The following RFX3 variants were observed in gnomAD, a reference collection of about 807,000 sequenced individuals.
The protein encoded by RFX3 is regulatory factor X3.
Under a neutral mutation model 98.6 loss-of-function variants are expected in RFX3, and 14 were observed. The ratio of observed to expected loss-of-function variants is 0.14; its 90% CI spans 0.09 to 0.22. The LOEUF is 0.22. Ranked by LOEUF, RFX3 falls within the 10% of genes least tolerant of loss-of-function variation. The pLI is 1.00. For synonymous variants in RFX3, 383 were observed against 328.4 expected, an observed-to-expected ratio of 1.17 and a Z score of -1.80; for missense variants, 639 against 926.9, an observed-to-expected ratio of 0.69 and a Z score of 4.03.
rs1198020216 is a variant in RFX3 at position 3,502,678 on chromosome 9, A to G, written c.-9+23069T>C. On this transcript the variant is annotated intron_variant, in intron 1 of 16. Coordinates refer to ENST00000617270, the MANE Select transcript of RFX3 (RefSeq NM_001282116.2). ...AAAATATTAAATTTAACACTTGTTTAGAAACTTTCATTATTTTCACGATTT... is the reference window on the plus strand; with the variant it reads ...AAAATATTAAATTTAACACTTGTTTGGAAACTTTCATTATTTTCACGATTT... 4.6e-5 allele frequency among the ~76,000 whole-genome samples: 7 copies of G among 152,196 alleles called. No individual in the cohort carries two copies. The East Asian group carries it at 1.3e-3, about 29-fold the overall frequency.
intron 15 of RFX3, among the ~76,000 whole-genome samples, chr9:3,229,590 T>A (rs770099016): frequency 6.6e-6 from 1 of 152,180 alleles, no homozygotes; most frequent in Non-Finnish European, 1.5e-5. Context: ...AGAAAACACA[T>A]TTTGAGAATC....
At chr9:3,380,845 A>G (rs1387641145) in intron 2 of RFX3, among the ~76,000 whole-genome samples, 2 of 152,178 alleles carry the variant, frequency 1.3e-5, no homozygotes, top group African/African-American at 4.8e-5. Flanking sequence ...CATTCTTAGT[A>G]GTGCTATTTT....
intron 1 of RFX3, among the ~76,000 whole-genome samples, chr9:3,446,152 G>A (rs1451373479): frequency 6.6e-6 from 1 of 152,038 alleles, no homozygotes; most frequent in African/African-American, 2.4e-5. Context: ...TGATGGGCAG[G>A]TGAATGAGTA....
chr9:3,342,640 G>C (rs891804193), intron 3 of RFX3, among the ~76,000 whole-genome samples: 1 of 151,902 alleles, frequency 6.6e-6, no homozygotes, highest in Non-Finnish European at 1.5e-5. Context: ...AGTCAAAAAA[G>C]AGTGGGGGAA....
At chr9:3,443,929 G>C (rs1019352462) in intron 1 of RFX3, among the ~76,000 whole-genome samples, 4 of 152,182 alleles carry the variant, frequency 2.6e-5, no homozygotes, top group Admixed American at 6.5e-5. Flanking sequence ...TCAACTGTTG[G>C]TAAGGATGTA....
intron 9 of RFX3, among the ~76,000 whole-genome samples, chr9:3,272,595 A>G (rs1263552819): frequency 6.6e-6 from 1 of 152,208 alleles, no homozygotes; most frequent in African/African-American, 2.4e-5. Context: ...CCCAGCAAAG[A>G]TCAAAATCTT....
intron 3 of RFX3, among the ~76,000 whole-genome samples, chr9:3,346,129 A>C (rs1219762111): frequency 1.3e-5 from 2 of 152,204 alleles, no homozygotes; most frequent in African/African-American, 4.8e-5. Context: ...ATAAATTTAC[A>C]AATTTATATT....
At chr9:3,257,728 T>C (rs1045943403) in intron 13 of RFX3, among the ~76,000 whole-genome samples, 1 of 152,216 alleles carries the variant, frequency 6.6e-6, no homozygotes, top group Admixed American at 6.5e-5. Flanking sequence ...TAGAAGCATA[T>C]GCTGCTGTGA....
intron 1 of RFX3, among the ~76,000 whole-genome samples, chr9:3,518,433 C>T (rs1294533575): frequency 1.3e-5 from 2 of 152,112 alleles, no homozygotes; most frequent in African/African-American, 4.8e-5. Context: ...TAACTAAACA[C>T]TTAACGGGAG....
chr9:3,512,735 T>G (rs1817770665), intron 1 of RFX3, among the ~76,000 whole-genome samples: 1 of 152,110 alleles, frequency 6.6e-6, no homozygotes, highest in Non-Finnish European at 1.5e-5. Flanking sequence ...ATCTTTTTCC[T>G]TGGGTCCTCC....
chr9:3,311,054 T>A (rs1038665982), intron 4 of RFX3, among the ~76,000 whole-genome samples: 1 of 152,250 alleles, frequency 6.6e-6, no homozygotes, highest in African/African-American at 2.4e-5. Flanking sequence ...AACAGTTACC[T>A]AATGTATAAC....
At chr9:3,379,250 A>G (rs1024093648) in intron 2 of RFX3, among the ~76,000 whole-genome samples, 6 of 152,224 alleles carry the variant, frequency 3.9e-5, no homozygotes, top group Non-Finnish European at 8.8e-5. Flanking sequence ...GGAAAGGTAC[A>G]TGGGCTAGGA....
chr9:3,373,155 G>C (rs961232966), intron 2 of RFX3, among the ~76,000 whole-genome samples: 5 of 152,042 alleles, frequency 3.3e-5, no homozygotes, highest in Non-Finnish European at 7.4e-5. Context: ...ATATTCATGA[G>C]GCTTTATAGA....
At chr9:3,383,350 T>G (rs549158897) in intron 2 of RFX3, among the ~76,000 whole-genome samples, 2 of 152,300 alleles carry the variant, frequency 1.3e-5, no homozygotes, top group South Asian at 4.1e-4. Context: ...GCATAGTGAT[T>G]GGTAGAGCTA....
intron 5 of RFX3, among the ~76,000 whole-genome samples, chr9:3,296,476 T>C (rs1358485713): frequency 6.6e-6 from 1 of 152,134 alleles, no homozygotes; most frequent in Non-Finnish European, 1.5e-5. Flanking sequence ...TTTATATTCT[T>C]AAACTGAAGA....
intron 12 of RFX3, among the ~76,000 whole-genome samples, chr9:3,264,540 T>C (rs978865361): frequency 2.6e-5 from 4 of 152,300 alleles, no homozygotes; most frequent in East Asian, 1.9e-4. Context: ...GTATATACTA[T>C]GTGCCAGGCT....
intron 1 of RFX3, among the ~76,000 whole-genome samples, chr9:3,398,827 A>G (rs1161099487): frequency 6.6e-6 from 1 of 151,096 alleles, no homozygotes; most frequent in Non-Finnish European, 1.5e-5. Flanking sequence ...TAAAGAAAAA[A>G]GTTCTCTTTA....
chr9:3,248,002 G>T, intron 15 of RFX3, 30 bp downstream of exon 15: 1 of 1,614,026 alleles, frequency 6.2e-7, no homozygotes, highest in Non-Finnish European at 8.5e-7. Context: ...TAATAACCCA[G>T]TGGGTCACAG....
chr9:3,248,716 C>G (rs532369328), intron 14 of RFX3, among the ~76,000 whole-genome samples: 1 of 152,254 alleles, frequency 6.6e-6, no homozygotes, highest in Non-Finnish European at 1.5e-5. Flanking sequence ...ACAGGGATTC[C>G]AGCAAGTTTC....
Sources: allele counts gnomAD v4.1 joint callset (sites outside exome capture counted in the v4.1 genomes callset), GRCh38; gene constraint gnomAD v4.1.1; transcripts MANE v1.5; gene names NCBI Gene and HGNC (gene_info 2026-07-23, HGNC 2026-07-21).